Variants in LPP observed in about 807,000 individuals in gnomAD.
LPP encodes LIM domain containing preferred translocation partner in lipoma, also known as lipoma-preferred partner.
LPP carries 38 observed loss-of-function variants against 60.4 expected under a neutral mutation model. That is an observed-to-expected ratio of 0.63 (90% CI 0.49 to 0.83). LPP has a LOEUF of 0.83. Among genes scored for constraint, LPP ranks in the 40% least tolerant of loss-of-function variants. The pLI is 0.00. For synonymous variants in LPP, 328 were observed against 290.8 expected (o/e 1.13, Z -1.30); for missense variants, 902 against 783.6 (o/e 1.15, Z -1.80).
chr3:188,492,562 C>A (rs978938030), intron 5 of LPP, among the ~76,000 whole-genome samples: 1 of 151,730 alleles, frequency 6.6e-6, no homozygotes, highest in African/African-American at 2.4e-5. Context: ...TCTGTGTGGT[C>A]GTGTGTGCCT....
Position 188,764,865 on chromosome 3 carries a change from A to G in LPP, c.1410+4583A>G, listed in dbSNP as rs78844167. Among the ~76,000 whole-genome samples, 716 of 152,238 alleles carry G rather than the reference A, an allele frequency of 4.7e-3. 5 individuals carry two copies. Among genetic ancestry groups the G allele is most frequent in the Admixed American group, 0.014 (221 of 15,284 alleles). ...TCTGACAGCAGAAGGTGGTACAGAC[A>G]TTTTTACTAGAGTTGAAATCCAAAT... On this transcript the variant is annotated intron_variant, in intron 9 of 11. Coordinates refer to ENST00000617246, the MANE Select transcript of LPP (RefSeq NM_001375462.1).
At chr3:188,511,623 T>C (rs1290588901) in intron 5 of LPP, among the ~76,000 whole-genome samples, 1 of 152,062 alleles carries the variant, frequency 6.6e-6, no homozygotes, top group East Asian at 2.0e-4. Context: ...GATTTCCAAA[T>C]TCCAATTCTT....
chr3:188,707,319 G>A (rs544156068), intron 7 of LPP, among the ~76,000 whole-genome samples: 1 of 152,136 alleles, frequency 6.6e-6, no homozygotes, highest in African/African-American at 2.4e-5. Flanking sequence ...AAAGGCCCCA[G>A]TGGCCCTGCA....
intron 4 of LPP, among the ~76,000 whole-genome samples, chr3:188,450,573 C>G: frequency 6.6e-6 from 1 of 151,990 alleles, no homozygotes; most frequent in Non-Finnish European, 1.5e-5. Context: ...GGTGAAACTC[C>G]TTCTCTACTA....
chr3:188,458,214 G>A (rs767796645), intron 4 of LPP, among the ~76,000 whole-genome samples: 3 of 152,130 alleles, frequency 2.0e-5, no homozygotes, highest in Non-Finnish European at 4.4e-5. Flanking sequence ...GGAGAACTTG[G>A]ATATGGGCTA....
chr3:188,755,121 A>G (rs1278522220), intron 8 of LPP, among the ~76,000 whole-genome samples: 1 of 152,218 alleles, frequency 6.6e-6, no homozygotes, highest in Admixed American at 6.5e-5. Context: ...TATATCATAC[A>G]ATTGGCATAT....
intron 9 of LPP, among the ~76,000 whole-genome samples, chr3:188,796,267 T>C (rs1456009364): frequency 6.6e-6 from 1 of 152,100 alleles, no homozygotes; most frequent in East Asian, 1.9e-4. Flanking sequence ...AGCACGCTGA[T>C]TTGAGGAACT....
intron 4 of LPP, among the ~76,000 whole-genome samples, chr3:188,451,997 A>G (rs1796698918): frequency 6.6e-6 from 1 of 152,158 alleles, no homozygotes; most frequent in African/African-American, 2.4e-5. Flanking sequence ...GGCTCGCCCT[A>G]TTGTACACTC....
intron 9 of LPP, among the ~76,000 whole-genome samples, chr3:188,859,807 G>C (rs1342363651): frequency 6.6e-6 from 1 of 152,128 alleles, no homozygotes; most frequent in Non-Finnish European, 1.5e-5. Context: ...TCAGGGGTAG[G>C]GGGGTGTGTC....
chr3:188,324,260 C>G (rs1049102089), intron 2 of LPP, among the ~76,000 whole-genome samples: 7 of 152,188 alleles, frequency 4.6e-5, no homozygotes, highest in Non-Finnish European at 7.3e-5. Flanking sequence ...TATTTGCCCT[C>G]AAGTCTTTGG....
chr3:188,447,217 G>A (rs1795426518), intron 4 of LPP, among the ~76,000 whole-genome samples: 1 of 152,146 alleles, frequency 6.6e-6, no homozygotes, highest in South Asian at 2.1e-4. Flanking sequence ...GTTTTGCAGT[G>A]GGTCTGCACA....
chr3:188,365,105 G>A (rs1481586373), intron 3 of LPP, among the ~76,000 whole-genome samples: 1 of 147,822 alleles, frequency 6.8e-6, no homozygotes, highest in Non-Finnish European at 1.5e-5. Flanking sequence ...AGTTTTAAGG[G>A]TAATAGAAGC....
intron 8 of LPP, among the ~76,000 whole-genome samples, chr3:188,717,860 C>G (rs1560109066): frequency 6.6e-6 from 1 of 152,084 alleles, no homozygotes; most frequent in Non-Finnish European, 1.5e-5. Flanking sequence ...TCTTATTGAC[C>G]AGGCTGGAGT....
At chr3:188,504,795 GA>G (rs58624757) in intron 5 of LPP, among the ~76,000 whole-genome samples, 24,515 of 133,370 alleles carry the variant, frequency 0.18, 2,628 homozygotes, top group East Asian at 0.44. Context: ...AATAAAGGAA[GA>G]AAAAAAAAAA....
rs147590571 is a variant in LPP at position 188,191,551 on chromosome 3, A to G, written c.-189-33854A>G. On this transcript the variant is annotated intron_variant, in intron 1 of 11. Transcript: ENST00000617246. ...GGGGCAGCAGCCAGTGGTCAGAGAG[A>G]TGGCTTGGGTAACTGTGGAAACTGG... Among the ~76,000 whole-genome samples, 468 of 152,256 alleles carry G rather than the reference A, an allele frequency of 3.1e-3. 3 individuals are homozygous for G. Among genetic ancestry groups the G allele is most frequent in the African/African-American group, 0.011 (441 of 41,552 alleles).
intron 2 of LPP, among the ~76,000 whole-genome samples, chr3:188,227,279 T>C (rs993524707): frequency 6.6e-6 from 1 of 151,582 alleles, no homozygotes; most frequent in Non-Finnish European, 1.5e-5. Flanking sequence ...GCTGGTGTGC[T>C]GCACCCACTA....
chr3:188,539,525 G>T (rs1187802974), intron 6 of LPP, among the ~76,000 whole-genome samples: 3 of 152,138 alleles, frequency 2.0e-5, no homozygotes, highest in African/African-American at 7.2e-5. Flanking sequence ...TAAAAGTAAT[G>T]GCAGCTGAAG....
At chr3:188,345,996 T>C (rs1295573574) in intron 3 of LPP, among the ~76,000 whole-genome samples, 1 of 152,096 alleles carries the variant, frequency 6.6e-6, no homozygotes, top group Non-Finnish European at 1.5e-5. Flanking sequence ...GAGGGTGGCA[T>C]AGATGATGTC....
chr3:188,245,007 G>T (rs193081197), intron 2 of LPP, among the ~76,000 whole-genome samples: 3 of 152,212 alleles, frequency 2.0e-5, no homozygotes, highest in East Asian at 3.9e-4. Context: ...TCTCATTCTT[G>T]GTCCGTTGTT....
Sources: gnomAD v4.1 joint callset for allele counts (sites outside exome capture counted in the v4.1 genomes callset) on GRCh38, gnomAD v4.1.1 for gene constraint, MANE v1.5 for transcripts, NCBI Gene and HGNC (gene_info 2026-07-23, HGNC 2026-07-21) for gene names.